The following RARB variants were observed in gnomAD, a reference collection of about 807,000 sequenced individuals.
The protein encoded by RARB is retinoic acid receptor beta.
RARB carries 17 observed loss-of-function variants against 51.9 expected under a neutral mutation model. The ratio of observed to expected loss-of-function variants is 0.33; its 90% CI spans 0.22 to 0.49. The LOEUF is 0.49. Ranked by LOEUF, RARB falls within the 20% of genes least tolerant of loss-of-function variation. The probability of loss-of-function intolerance (pLI) is 0.99; values close to 1 mark genes in which losing one functional copy is unlikely to be tolerated. For missense variants in RARB, 369 were observed against 550.8 expected (o/e 0.67, Z 3.30); for synonymous variants, 215 against 195.4 (o/e 1.10, Z -0.84).
intron 3 of RARB, among the ~76,000 whole-genome samples, chr3:25,566,612 C>A (rs1395476749): frequency 6.6e-6 from 1 of 152,178 alleles, no homozygotes; most frequent in Admixed American, 6.5e-5. Flanking sequence ...CCTCACCCCT[C>A]CCTTTCTTGC....
At chr3:25,087,807 T>C (rs1056512643) in intron 3 of RARB, among the ~76,000 whole-genome samples, 12 of 152,018 alleles carry the variant, frequency 7.9e-5, no homozygotes, top group African/African-American at 1.7e-4. Context: ...TAGAAAACTA[T>C]AGCATTATTT....
intron 5 of RARB, among the ~76,000 whole-genome samples, chr3:25,306,513 AAGACTT>A (rs1012977434): frequency 1.3e-5 from 2 of 152,074 alleles, no homozygotes; most frequent in Non-Finnish European, 2.9e-5. Flanking sequence ...AAAAAAAAAA[AAGACTT>A]AGAAGAAAAA....
In RARB at chr3:24,926,427, G is replaced by A. The variant is rs187028287; in HGVS notation, c.-380+67675G>A. 2.7e-3 allele frequency among the ~76,000 whole-genome samples: 404 copies of A among 152,200 alleles called. 1 individual carries two copies. Among genetic ancestry groups the A allele is most frequent in the African/African-American group, 9.3e-3 (388 of 41,538 alleles). The stretch of plus-strand genomic sequence containing the variant: ...GCAACAGTTTTGCCATCAAATACAA[G>A]TTCAATTGAAGAGAGATTGTTGACC... On this transcript the variant is annotated intron_variant, in intron 2 of 11. Coordinates refer to the RARB transcript ENST00000383772.
intron 1 of RARB, among the ~76,000 whole-genome samples, chr3:24,839,355 A>G (rs935098184): frequency 1.3e-5 from 2 of 152,040 alleles, no homozygotes; most frequent in Non-Finnish European, 2.9e-5. Context: ...TTGGGTTTCC[A>G]CAAGTAAAAG....
At chr3:25,045,112 T>G (rs73144992) in intron 2 of RARB, among the ~76,000 whole-genome samples, 1,734 of 152,306 alleles carry the variant, frequency 0.011, 42 homozygotes, top group African/African-American at 0.039. Context: ...GCGGAAGATG[T>G]CAGGTCTGTT....
At chr3:25,072,495 C>G (rs1447947258) in intron 3 of RARB, among the ~76,000 whole-genome samples, 1 of 151,982 alleles carries the variant, frequency 6.6e-6, no homozygotes, top group East Asian at 1.9e-4. Flanking sequence ...TTTGGGGGAG[C>G]ACAAATGAAC....
At chr3:24,891,050 G>A (rs1050598097) in intron 2 of RARB, among the ~76,000 whole-genome samples, 1 of 152,154 alleles carries the variant, frequency 6.6e-6, no homozygotes, top group Non-Finnish European at 1.5e-5. Context: ...ATGTGGAAAA[G>A]CTCAGTGCGT....
intron 3 of RARB, among the ~76,000 whole-genome samples, chr3:25,068,736 T>G (rs114677400): frequency 0.019 from 2,828 of 152,206 alleles, 88 homozygotes; most frequent in African/African-American, 0.063. Flanking sequence ...ATGAATCTGA[T>G]TGAGGCAAGA....
intron 2 of RARB, among the ~76,000 whole-genome samples, chr3:24,946,036 C>T (rs189319195): frequency 1.3e-3 from 195 of 152,188 alleles, no homozygotes; most frequent in African/African-American, 4.3e-3. Flanking sequence ...GAGGCCGAGG[C>T]AGGCAGATCA....
intron 3 of RARB, among the ~76,000 whole-genome samples, chr3:25,551,761 TCTTTA>T (rs1699860706): frequency 6.6e-6 from 1 of 152,084 alleles, no homozygotes; most frequent in African/African-American, 2.4e-5. Flanking sequence ...GATACAGAAT[TCTTTA>T]GATGGGCTGC....
At chr3:25,234,818 C>T (rs1702265645) in intron 5 of RARB, among the ~76,000 whole-genome samples, 1 of 152,178 alleles carries the variant, frequency 6.6e-6, no homozygotes, top group Non-Finnish European at 1.5e-5. Context: ...CATGCACACT[C>T]TTCAGCCCAC....
At chr3:25,107,741 A>C (rs946099958) in intron 3 of RARB, among the ~76,000 whole-genome samples, 4 of 152,232 alleles carry the variant, frequency 2.6e-5, no homozygotes, top group Non-Finnish European at 5.9e-5. Context: ...ATATGCTGTA[A>C]TAAAATGTAT....
chr3:25,230,294 G>T (rs1702146749), intron 5 of RARB, among the ~76,000 whole-genome samples: 1 of 151,922 alleles, frequency 6.6e-6, no homozygotes, highest in East Asian at 1.9e-4. Flanking sequence ...TTACACACTG[G>T]GAACCTATGG....
intron 2 of RARB, among the ~76,000 whole-genome samples, chr3:25,473,506 G>A (rs1017252614): frequency 1.7e-4 from 8 of 47,302 alleles, no homozygotes; most frequent in Admixed American, 4.9e-4. Flanking sequence ...TCTGTGGCTA[G>A]CACTATTCCT....
chr3:25,253,891 C>T (rs888365554), intron 5 of RARB, among the ~76,000 whole-genome samples: 42 of 152,080 alleles, frequency 2.8e-4, no homozygotes, highest in Non-Finnish European at 5.4e-4. Context: ...TTGTGAGAAC[C>T]TCTAATAGAC....
rs113341318 is a variant in RARB, at chr3:25,259,947, AG to A, written c.178+85378del. On this transcript the variant is annotated intron_variant, in intron 5 of 11. Coordinates refer to the RARB transcript ENST00000383772. ...TGTCTCTTTGGCATTCATGGAGGGG[AG>A]GGGGGCAGTCAGTGTGGAGCCAACT... 1.7e-5 allele frequency: 17 copies of A among 985,100 alleles called. No individual in the cohort carries two copies. In the African/African-American group the frequency reaches 1.9e-4, roughly 11 times the overall value. 61.0% of individuals were successfully genotyped at this position (985,100 alleles called of 1,614,324 possible). A position where few individuals can be genotyped will look rare whatever the true frequency, so the allele number is the denominator to read the frequency against.
chr3:25,557,149 A>ACACACC (rs1700095129), intron 3 of RARB, among the ~76,000 whole-genome samples: 1 of 85,324 alleles, frequency 1.2e-5, no homozygotes. Context: ...ACACACACAC[A>ACACACC]CACACACACA....
At chr3:25,236,705 G>A (rs1055217799) in intron 5 of RARB, among the ~76,000 whole-genome samples, 5 of 151,994 alleles carry the variant, frequency 3.3e-5, no homozygotes, top group Admixed American at 1.3e-4. Flanking sequence ...ATTAATGTAT[G>A]TCTGCTGCTG....
intron 5 of RARB, among the ~76,000 whole-genome samples, chr3:25,191,491 A>T (rs1193096257): frequency 6.6e-6 from 1 of 152,048 alleles, no homozygotes; most frequent in Non-Finnish European, 1.5e-5. Context: ...GACCAGGGAG[A>T]TTCTGAGTAA....
Sources: gnomAD v4.1 joint callset for allele counts (sites outside exome capture counted in the v4.1 genomes callset) on GRCh38, gnomAD v4.1.1 for gene constraint, MANE v1.5 for transcripts, NCBI Gene and HGNC (gene_info 2026-07-23, HGNC 2026-07-21) for gene names.